Variants in SNRPD1 observed in about 807,000 individuals in gnomAD.
SNRPD1 encodes small nuclear ribonucleoprotein D1 polypeptide.
SNRPD1 carries 1 observed loss-of-function variant against 14.4 expected under a neutral mutation model. The observed-to-expected ratio is 0.07, with a 90% CI of 0.02 to 0.33. The LOEUF is 0.33. SNRPD1 is among the 10% of genes least tolerant of loss of function. SNRPD1 has a pLI of 1.00. For missense variants in SNRPD1, 52 were observed against 146.4 expected, an observed-to-expected ratio of 0.36 and a Z score of 3.33; for synonymous variants, 42 against 50.3, an observed-to-expected ratio of 0.83 and a Z score of 0.70.
In SNRPD1 at chr18:21,612,387, A is replaced by G. The variant is rs1172194786; in HGVS notation, c.-43A>G. 1 of 1,522,144 alleles carries G rather than the reference A, an allele frequency of 6.6e-7. No homozygotes were observed. Among genetic ancestry groups the G allele is most frequent in the South Asian group, 1.2e-5 (1 of 82,110 alleles). The allele number at this position is 1,522,144 out of a possible 1,614,324, so 94.3% of individuals were successfully genotyped here. Reference sequence around the variant, plus strand: ...CAGTCGGTCAGTGTTCGGTTGAAGGATTCTGTGTGCTGTCGGACCCAGAGG... The same window carrying G: ...CAGTCGGTCAGTGTTCGGTTGAAGGGTTCTGTGTGCTGTCGGACCCAGAGG... On this transcript the variant is annotated 5_prime_UTR_variant, in exon 1 of 4. Transcript: ENST00000300413.
intron 3 of SNRPD1, among the ~76,000 whole-genome samples, chr18:21,627,876 C>G (rs181727025): frequency 1.3e-5 from 2 of 152,206 alleles, no homozygotes; most frequent in East Asian, 3.9e-4. Context: ...TTTCCTGGTC[C>G]AAGATCCAAT....
chr18:21,612,574 C>CT, intron 1 of SNRPD1, 131 bp downstream of exon 1: 3 of 621,280 alleles, frequency 4.8e-6, no homozygotes, highest in Non-Finnish European at 7.9e-6. Context: ...GCCGGCCTTA[C>CT]TGCGCCCGCA....
chr18:21,633,507 AGAG>A lies in SNRPD1; in HGVS notation c.*4373_*4375del, dbSNP rs2039101317. The A allele has an allele frequency of 2.0e-5, 3 of 152,210 alleles. No individual in the cohort carries two copies. Among genetic ancestry groups the A allele is most frequent in the African/African-American group, 7.2e-5 (3 of 41,532 alleles). The allele number at this position is 152,210 out of a possible 1,614,324, so 9.4% of individuals were successfully genotyped here. The stretch of plus-strand genomic sequence containing the variant: ...AAATTCTTGTGGATCTGTGAAATAA[AGAG>A]GAGTACTTTCTTTTCGTTTTTTTTT... On this transcript the variant is annotated 3_prime_UTR_variant, in exon 4 of 4. Transcript: ENST00000300413.
rs996335776 is a variant in SNRPD1 at position 21,629,045 on chromosome 18, T to A, written c.284-17T>A. On this transcript the variant is annotated splice_polypyrimidine_tract_variant and intron_variant, in intron 3 of 3. Coordinates refer to ENST00000300413, the MANE Select transcript of SNRPD1 (RefSeq NM_006938.4). ...GCAGGAGAGAATTGAACTTGGTTTG[T>A]TTTTCTTTTCCTTCAGTTGCAGGAA... The A allele has an allele frequency of 1.9e-6, 3 of 1,611,430 alleles. No homozygotes were observed. The highest frequency in any genetic ancestry group is 2.7e-5 in the African/African-American group (2 of 74,872).
chr18:21,617,469 G>A (rs1037861526), intron 1 of SNRPD1, among the ~76,000 whole-genome samples: 2 of 152,120 alleles, frequency 1.3e-5, no homozygotes, highest in Non-Finnish European at 2.9e-5. Context: ...TATATGTACT[G>A]CTCTAGTCAC....
At chr18:21,614,148 C>T (rs1171015218) in intron 1 of SNRPD1, among the ~76,000 whole-genome samples, 1 of 152,056 alleles carries the variant, frequency 6.6e-6, no homozygotes, top group Non-Finnish European at 1.5e-5. Context: ...TGGCGGGCGC[C>T]TGTAATCCCA....
Position 21,631,485 on chromosome 18 carries a change from G to A in SNRPD1, c.*2347G>A, listed in dbSNP as rs2039083689. On this transcript the variant is annotated 3_prime_UTR_variant, in exon 4 of 4. Transcript: ENST00000300413. ...ACAGTCTTGCTCTGTTGCCCAGGCT[G>A]GAGTACAGTGGCGCGATCTTGGCTC... 7.6e-6 allele frequency: 1 copy of A among 132,258 alleles called. No homozygotes were observed. The highest frequency in any genetic ancestry group is 2.9e-5 in the African/African-American group (1 of 34,314). The allele number at this position is 132,258 out of a possible 1,614,324, so 8.2% of individuals were successfully genotyped here. A position where few individuals can be genotyped will look rare whatever the true frequency, so the allele number is the denominator to read the frequency against.
At chr18:21,613,252 C>T (rs2038932422) in intron 1 of SNRPD1, among the ~76,000 whole-genome samples, 1 of 152,140 alleles carries the variant, frequency 6.6e-6, no homozygotes, top group African/African-American at 2.4e-5. Context: ...TTCTAAACTA[C>T]CTGCAAGTAG....
intron 1 of SNRPD1, among the ~76,000 whole-genome samples, chr18:21,620,869 G>A (rs2038991827): frequency 6.6e-6 from 1 of 152,038 alleles, no homozygotes; most frequent in Non-Finnish European, 1.5e-5. Flanking sequence ...CCATGTTAAT[G>A]AAAAGATATT....
intron 1 of SNRPD1, among the ~76,000 whole-genome samples, chr18:21,621,546 G>A (rs778117593): frequency 3.9e-5 from 6 of 151,946 alleles, no homozygotes; most frequent in Non-Finnish European, 8.8e-5. Flanking sequence ...GATTACAGGC[G>A]TGCGCCACCT....
chr18:21,627,271 C>CT (rs2039047212), intron 3 of SNRPD1, among the ~76,000 whole-genome samples: 1 of 151,860 alleles, frequency 6.6e-6, no homozygotes, highest in Non-Finnish European at 1.5e-5. Flanking sequence ...CCAAACCTGG[C>CT]TAATTTTTTA....
At chr18:21,618,518 T>G (rs781191559) in intron 1 of SNRPD1, among the ~76,000 whole-genome samples, 7 of 152,020 alleles carry the variant, frequency 4.6e-5, no homozygotes, top group Non-Finnish European at 1.0e-4. Context: ...GTAAAAGTTC[T>G]TACTAACTGG....
chr18:21,622,758 C>A lies in SNRPD1; in HGVS notation c.48C>A (p.Thr16=). Residue 16 remains threonine (T), a synonymous_variant, in exon 2 of 4, where the codon ACC becomes ACA. Coordinates refer to ENST00000300413, the MANE Select transcript of SNRPD1 (RefSeq NM_006938.4). The part of the protein sequence containing the change: ...FLMKLSHETV[T]IELKNGTQVH... ...TGAAATTGAGTCATGAAACTGTAACCATTGAATTGAAGAACGGAACACAGG... is the reference window on the plus strand; with the variant it reads ...TGAAATTGAGTCATGAAACTGTAACAATTGAATTGAAGAACGGAACACAGG... The A allele has an allele frequency of 6.3e-7, 1 of 1,580,130 alleles. No individual in the cohort carries two copies. Among genetic ancestry groups the A allele is most frequent in the Non-Finnish European group, 8.7e-7 (1 of 1,149,346 alleles).
At chr18:21,617,272 A>G (rs555329113) in intron 1 of SNRPD1, among the ~76,000 whole-genome samples, 1 of 151,980 alleles carries the variant, frequency 6.6e-6, no homozygotes, top group Non-Finnish European at 1.5e-5. Flanking sequence ...CCTGACCAAC[A>G]TGGTGAAACC....
At chr18:21,613,900 T>G (rs2038939090) in intron 1 of SNRPD1, among the ~76,000 whole-genome samples, 2 of 146,634 alleles carry the variant, frequency 1.4e-5, no homozygotes, top group Admixed American at 6.9e-5. Context: ...GAGGAGTTGG[T>G]ACAAAAGACA....
intron 2 of SNRPD1, 104 bp from the exon 3 acceptor site, chr18:21,623,644 G>A (rs2039014505): frequency 1.2e-6 from 1 of 819,236 alleles, no homozygotes; most frequent in Admixed American, 2.7e-5. Flanking sequence ...CTTTGTAGAA[G>A]AACAGTAATC....
intron 3 of SNRPD1, among the ~76,000 whole-genome samples, chr18:21,627,469 A>G (rs1198494332): frequency 8.2e-6 from 1 of 122,448 alleles, no homozygotes; most frequent in African/African-American, 3.2e-5. Context: ...AGACAGAGTC[A>G]TGCTCTGTTG....
intron 3 of SNRPD1, among the ~76,000 whole-genome samples, chr18:21,624,427 C>G (rs1216602218): frequency 4.0e-5 from 6 of 149,912 alleles, no homozygotes; most frequent in Non-Finnish European, 7.4e-5. Flanking sequence ...CAGGGTGGCT[C>G]ACACCTGTAA....
intron 3 of SNRPD1, among the ~76,000 whole-genome samples, chr18:21,625,125 T>C (rs1396666137): frequency 6.6e-6 from 1 of 152,020 alleles, no homozygotes; most frequent in East Asian, 1.9e-4. Context: ...TTTGCTTTAA[T>C]GTCGTTAGGG....
Sources: gnomAD v4.1 joint callset for allele counts (sites outside exome capture counted in the v4.1 genomes callset) on GRCh38, gnomAD v4.1.1 for gene constraint, MANE v1.5 for transcripts, NCBI Gene and HGNC (gene_info 2026-07-23, HGNC 2026-07-21) for gene names.